Variants in KIZ observed in about 807,000 individuals in gnomAD.
The protein encoded by KIZ is centrosomal protein kizuna.
Under a neutral mutation model 79.6 loss-of-function variants are expected in KIZ, and 68 were observed. The observed-to-expected ratio is 0.85, with a 90% CI of 0.70 to 1.05. The LOEUF (loss-of-function observed/expected upper bound fraction) is 1.05, where lower values mean the gene tolerates loss of function less well. KIZ is among the 50% of genes least tolerant of loss of function. The pLI is 0.00. For missense variants in KIZ, 797 were observed against 800.4 expected (o/e 1.00, Z 0.05); for synonymous variants, 280 against 281.8 (o/e 0.99, Z 0.06).
At chr20:21,134,810 A>G (rs1439363862) in intron 2 of KIZ, among the ~76,000 whole-genome samples, 5 of 151,472 alleles carry the variant, frequency 3.3e-5, no homozygotes, top group Non-Finnish European at 5.9e-5. Flanking sequence ...GGGATTACGG[A>G]CACATACCAC....
Position 21,242,200 on chromosome 20 carries a change from T to G in KIZ, c.1881-2045T>G, listed in dbSNP as rs542188289. Among the ~76,000 whole-genome samples the G allele has an allele frequency of 1.6e-3, 249 of 152,266 alleles. 1 individual carries two copies. Among genetic ancestry groups the G allele is most frequent in the African/African-American group, 5.7e-3 (237 of 41,546 alleles). ...GCACAAGTGGATGTGAAACAGCAAC[T>G]TGACGAGGACTCAGTGGTAAAGATA... On this transcript the variant is annotated intron_variant, in intron 11 of 12. Coordinates refer to ENST00000619189, the MANE Select transcript of KIZ (RefSeq NM_018474.6).
At chr20:21,245,615 C>T (rs1302934286) in intron 12 of KIZ, 1 of 152,248 alleles carries the variant, frequency 6.6e-6, no homozygotes, top group Non-Finnish European at 1.5e-5. Context: ...CTCCACTACA[C>T]CTTGCCAGAC....
chr20:21,218,644 T>C (rs1220427357), intron 9 of KIZ: 1 of 152,236 alleles, frequency 6.6e-6, no homozygotes, highest in African/African-American at 2.4e-5. Context: ...TGGAATTCTT[T>C]CTGTTAATAG....
chr20:21,188,651 C>A (rs920521192), intron 6 of KIZ, among the ~76,000 whole-genome samples: 6 of 149,948 alleles, frequency 4.0e-5, no homozygotes, highest in Non-Finnish European at 3.0e-5. Context: ...CCATAATAAG[C>A]CCTGGAGATC....
upstream of KIZ, chr20:21,126,051 T>C: frequency 7.1e-7 from 1 of 1,411,066 alleles, no homozygotes; most frequent in Non-Finnish European, 9.2e-7. Context: ...TGGGGCGGTC[T>C]CCTTCGGCAA....
intron 6 of KIZ, chr20:21,166,652 T>C: frequency 5.1e-6 from 4 of 777,688 alleles, no homozygotes; most frequent in Non-Finnish European, 4.2e-6. Context: ...GAGACTTGGT[T>C]TCTCCATGTT....
At position 21,214,580 on chromosome 20, in the gene KIZ, A is replaced by C; in HGVS notation, c.1492A>C (p.Arg498=). The change falls in exon 8 of 13, where the codon AGG becomes CGG. Residue 498 remains arginine, a synonymous_variant. Transcript: ENST00000619189. ...RKALTEECGR[R]SAIHSSESSC... is the part of the protein sequence containing the mutation. The stretch of plus-strand genomic sequence containing the variant: ...AGCCCTTACAGAAGAGTGTGGCCGT[A>C]GGTCAGCTATTCACAGTAGTGAATC... 9 of 1,613,456 alleles carry C rather than the reference A, an allele frequency of 5.6e-6. No individual in the cohort carries two copies. Among genetic ancestry groups the C allele is most frequent in the Non-Finnish European group, 7.6e-6 (9 of 1,179,470 alleles).
chr20:21,237,301 CAAAAAAAAAA>C (rs72536116), intron 11 of KIZ, among the ~76,000 whole-genome samples: 2 of 58,636 alleles, frequency 3.4e-5, no homozygotes, highest in Non-Finnish European at 3.6e-5. Context: ...AACTCCGTCT[CAAAAAAAAAA>C]AAAAAAAAAA....
chr20:21,238,619 C>G (rs2037114056), intron 11 of KIZ, among the ~76,000 whole-genome samples: 1 of 152,168 alleles, frequency 6.6e-6, no homozygotes, highest in Non-Finnish European at 1.5e-5. Flanking sequence ...TTGGCACATG[C>G]TGGAGGCCTG....
intron 6 of KIZ, among the ~76,000 whole-genome samples, chr20:21,168,619 C>T (rs905845246): frequency 4.6e-5 from 7 of 152,182 alleles, no homozygotes; most frequent in Non-Finnish European, 5.9e-5. Flanking sequence ...GAGCCCGCAT[C>T]GCCAAGTCAA....
chr20:21,182,316 C>T (rs6106340), intron 6 of KIZ, among the ~76,000 whole-genome samples: 165 of 152,270 alleles, frequency 1.1e-3, no homozygotes, highest in Middle Eastern at 0.01. Flanking sequence ...ACACCACAGC[C>T]TTATATAGCT....
intron 1 of KIZ, chr20:21,131,866 T>A (rs970635253): frequency 1.2e-5 from 4 of 343,736 alleles, no homozygotes; most frequent in African/African-American, 6.4e-5. Flanking sequence ...TTTTTTAGAT[T>A]TCCCTGGCGA....
At chr20:21,131,827 T>G (rs929785877) in intron 1 of KIZ, 3 of 273,776 alleles carry the variant, frequency 1.1e-5, no homozygotes, top group African/African-American at 6.8e-5. Flanking sequence ...TGGATTTTAT[T>G]CTTTTGTCTC....
intron 4 of KIZ, among the ~76,000 whole-genome samples, chr20:21,153,684 G>T (rs141473062): frequency 6.6e-6 from 1 of 152,258 alleles, no homozygotes; most frequent in East Asian, 1.9e-4. Context: ...GAGGCTGGAA[G>T]TCCAAGATCA....
intron 6 of KIZ, chr20:21,195,034 G>A (rs2035280656): frequency 1.3e-5 from 2 of 152,192 alleles, no homozygotes; most frequent in Admixed American, 1.3e-4. Flanking sequence ...AGAAGACTCG[G>A]CAGAGGTGAC....
intron 5 of KIZ, 164 bp downstream of exon 5, chr20:21,162,671 T>A: frequency 1.3e-6 from 1 of 790,384 alleles, no homozygotes; most frequent in South Asian, 1.9e-5. Flanking sequence ...ATTTGCTGAT[T>A]TTTAAACCCA....
At chr20:21,245,336 G>A (rs1354285983) in intron 12 of KIZ, 1 of 152,178 alleles carries the variant, frequency 6.6e-6, no homozygotes, top group African/African-American at 2.4e-5. Context: ...TACCCAGTGG[G>A]TTGTGATGGA....
chr20:21,159,041 CTT>C (rs1273299104), intron 4 of KIZ, among the ~76,000 whole-genome samples: 1 of 150,316 alleles, frequency 6.7e-6, no homozygotes, highest in East Asian at 1.9e-4. Context: ...GAGTTTTGCT[CTT>C]GTCACCCAGG....
chr20:21,184,120 A>ACTTT (rs1467062867), intron 6 of KIZ, among the ~76,000 whole-genome samples: 1 of 149,450 alleles, frequency 6.7e-6, no homozygotes, highest in Non-Finnish European at 1.5e-5. Flanking sequence ...CAGACCCAAC[A>ACTTT]CTTTCCTTCT....
Sources: gnomAD v4.1 joint callset for allele counts (sites outside exome capture counted in the v4.1 genomes callset) on GRCh38, gnomAD v4.1.1 for gene constraint, MANE v1.5 for transcripts, NCBI Gene and HGNC (gene_info 2026-07-23, HGNC 2026-07-21) for gene names.